The following RAB6A variants were observed in gnomAD, a reference collection of about 807,000 sequenced individuals.
RAB6A encodes the protein RAB6A, member RAS oncogene family, also known as ras-related protein Rab-6A.
A neutral mutation model predicts 32.3 loss-of-function variants in RAB6A; 8 were observed. That is an observed-to-expected ratio of 0.25 (90% CI 0.15 to 0.45). The LOEUF (loss-of-function observed/expected upper bound fraction) is 0.45. RAB6A is among the 20% of genes least tolerant of loss of function. RAB6A has a pLI of 1.00. For missense variants in RAB6A, 104 were observed against 249.4 expected, an observed-to-expected ratio of 0.42 and a Z score of 3.93; for synonymous variants, 73 against 82.1, an observed-to-expected ratio of 0.89 and a Z score of 0.60.
chr11:73,754,547 G>T (rs1395797631), intron 1 of RAB6A, among the ~76,000 whole-genome samples: 1 of 152,208 alleles, frequency 6.6e-6, no homozygotes, highest in East Asian at 1.9e-4. Flanking sequence ...ACATTAAAGA[G>T]ATTTGCAAAT....
At chr11:73,718,223 C>A (rs1406467214) in intron 4 of RAB6A, among the ~76,000 whole-genome samples, 2 of 152,090 alleles carry the variant, frequency 1.3e-5, no homozygotes, top group African/African-American at 4.8e-5. Flanking sequence ...TTGTAATAGC[C>A]TCAATAGAAA....
intron 6 of RAB6A, among the ~76,000 whole-genome samples, chr11:73,703,449 A>T (rs892344583): frequency 6.6e-6 from 1 of 152,226 alleles, no homozygotes; most frequent in African/African-American, 2.4e-5. Flanking sequence ...ACTGACAATT[A>T]AAAAATTTCT....
intron 2 of RAB6A, chr11:73,722,305 G>GTGTGTATGTATGTATATA (rs1238666420): frequency 2.4e-5 from 1 of 42,368 alleles, no homozygotes; most frequent in African/African-American, 9.9e-5. Context: ...ATGTGTGTGT[G>GTGTGTATGTATGTATATA]TATATATATA....
At chr11:73,708,023 T>C (rs1945877278) in intron 5 of RAB6A, among the ~76,000 whole-genome samples, 1 of 152,242 alleles carries the variant, frequency 6.6e-6, no homozygotes, top group African/African-American at 2.4e-5. Context: ...ACAATTTCTG[T>C]CAATTTGCTC....
intron 6 of RAB6A, among the ~76,000 whole-genome samples, chr11:73,687,389 C>T (rs1945476081): frequency 6.6e-6 from 1 of 152,146 alleles, no homozygotes; most frequent in African/African-American, 2.4e-5. Flanking sequence ...GGATAATGAA[C>T]ACAATCTTAG....
At chr11:73,730,179 T>C (rs996270313) in intron 2 of RAB6A, 1 of 152,334 alleles carries the variant, frequency 6.6e-6, no homozygotes, top group Admixed American at 6.5e-5. Context: ...TTTAGTTTTC[T>C]TCCAGTTTCT....
At chr11:73,701,144 A>G (rs991297068) in intron 6 of RAB6A, among the ~76,000 whole-genome samples, 1 of 152,234 alleles carries the variant, frequency 6.6e-6, no homozygotes, top group Non-Finnish European at 1.5e-5. Flanking sequence ...AAGCTAGGAA[A>G]CAACTCTGTA....
At chr11:73,719,399 T>C (rs1002219532) in intron 3 of RAB6A, among the ~76,000 whole-genome samples, 2 of 152,234 alleles carry the variant, frequency 1.3e-5, no homozygotes, top group African/African-American at 4.8e-5. Context: ...ACTACCGTGC[T>C]TGTATTTCTC....
chr11:73,757,158 T>TTTC lies in RAB6A; in HGVS notation c.70+3407_70+3408insGAA, dbSNP rs762917342. Among the ~76,000 whole-genome samples the TTTC allele has an allele frequency of 1.0e-4, 10 of 98,634 alleles. 1 individual carries two copies. The South Asian group carries it at 1.5e-3, about 15-fold the overall frequency. The allele number at this position is 98,634 out of a possible 152,430, so 64.7% of individuals were successfully genotyped here. ...TTTTTTTTTTTTTTTTTTTTTTTTT[T>TTTC]CTTGAGACAGAGTCTCACTCTGTCA... On this transcript the variant is annotated intron_variant, in intron 1 of 7. Transcript: ENST00000336083.
intron 6 of RAB6A, among the ~76,000 whole-genome samples, chr11:73,681,050 AATTAAG>A (rs1409859315): frequency 6.6e-6 from 1 of 152,208 alleles, no homozygotes; most frequent in Admixed American, 6.5e-5. Context: ...TTTATCTTTT[AATTAAG>A]CACACAGTGT....
At chr11:73,723,076 C>T (rs1220630382) in intron 2 of RAB6A, among the ~76,000 whole-genome samples, 1 of 151,588 alleles carries the variant, frequency 6.6e-6, no homozygotes, top group African/African-American at 2.4e-5. Flanking sequence ...CCCAAAGTGC[C>T]AGGATTATAG....
intron 6 of RAB6A, among the ~76,000 whole-genome samples, chr11:73,689,414 C>T (rs566575375): frequency 1.3e-5 from 2 of 152,308 alleles, no homozygotes; most frequent in African/African-American, 4.8e-5. Context: ...AGAGCTCAGG[C>T]TGTAATGCTG....
At chr11:73,728,668 G>A (rs1946261599) in intron 2 of RAB6A, among the ~76,000 whole-genome samples, 1 of 113,970 alleles carries the variant, frequency 8.8e-6, no homozygotes, top group African/African-American at 3.1e-5. Flanking sequence ...AAATAATAGT[G>A]TATATCTTTT....
rs149569333 is a variant in RAB6A at position 73,722,967 on chromosome 11, C to T, written c.130-2068G>A. On this transcript the variant is annotated intron_variant, in intron 2 of 7. Coordinates refer to ENST00000336083, the MANE Select transcript of RAB6A (RefSeq NM_198896.2). ...GATTACAGGCATTCACCACCAAGCC[C>T]AGCTACTTTTTGTATTTTTAGTAGA... Among the ~76,000 whole-genome samples the T allele has an allele frequency of 5.6e-4, 85 of 152,154 alleles. 1 individual carries two copies. The East Asian group carries it at 0.013, about 23-fold the overall frequency.
In RAB6A at chr11:73,718,629, A is replaced by T. The variant is rs767785360; in HGVS notation, c.273T>A (p.Val91=). 1 of 1,613,612 alleles carries T rather than the reference A, an allele frequency of 6.2e-7. No homozygotes were observed. The highest frequency in any genetic ancestry group is 8.5e-7 in the Non-Finnish European group (1 of 1,179,746). The change falls in exon 4 of 8, where the codon GTT becomes GTA. Residue 91 remains valine, a synonymous_variant. Transcript: ENST00000336083. ...SYIRDSTVAV[V]VYDITNVNSF... ...TCCACTCACTTGTGATATCATAAAC[A>T]ACAACTGCCACAGTGGAGTCACGAA...
chr11:73,746,313 GTA>G (rs1946587839), intron 1 of RAB6A, among the ~76,000 whole-genome samples: 1 of 151,958 alleles, frequency 6.6e-6, no homozygotes, highest in Non-Finnish European at 1.5e-5. Context: ...ATGCTTCTAT[GTA>G]TACTACATAT....
At chr11:73,744,204 G>A (rs146755682) in intron 1 of RAB6A, among the ~76,000 whole-genome samples, 2 of 151,930 alleles carry the variant, frequency 1.3e-5, no homozygotes, top group African/African-American at 4.8e-5. Context: ...CGGGCATGGT[G>A]GTGGGCGCCT....
intron 5 of RAB6A, among the ~76,000 whole-genome samples, chr11:73,713,550 A>C (rs950574877): frequency 6.7e-6 from 1 of 148,392 alleles, no homozygotes; most frequent in Non-Finnish European, 1.5e-5. Flanking sequence ...GCTGGGAGAC[A>C]GCGAGACTCC....
At chr11:73,712,703 G>A (rs1353807613) in intron 5 of RAB6A, among the ~76,000 whole-genome samples, 1 of 146,470 alleles carries the variant, frequency 6.8e-6, no homozygotes, top group African/African-American at 2.5e-5. Flanking sequence ...CATGCAGCAA[G>A]ACCACATTGC....
Sources: allele counts gnomAD v4.1 joint callset (sites outside exome capture counted in the v4.1 genomes callset), GRCh38; gene constraint gnomAD v4.1.1; transcripts MANE v1.5; gene names NCBI Gene and HGNC (gene_info 2026-07-23, HGNC 2026-07-21).